Variants in CDH23 observed in about 807,000 individuals in gnomAD.
CDH23 encodes the protein cadherin-23.
A neutral mutation model predicts 317.1 loss-of-function variants in CDH23; 189 were observed. The ratio of observed to expected loss-of-function variants is 0.60; its 90% CI spans 0.53 to 0.67. The LOEUF (loss-of-function observed/expected upper bound fraction) is 0.67. Ranked by LOEUF, CDH23 falls within the 30% of genes least tolerant of loss-of-function variation. The pLI is 0.00. For missense variants in CDH23, 4,401 were observed against 4,592.4 expected (o/e 0.96, Z 1.20); for synonymous variants, 1,839 against 1,876.8 (o/e 0.98, Z 0.52).
At chr10:71,429,644 C>T (rs781540941) in intron 1 of CDH23, among the ~76,000 whole-genome samples, 38 of 152,164 alleles carry the variant, frequency 2.5e-4, no homozygotes, top group Middle Eastern at 3.4e-3. Flanking sequence ...TTAGCGGGTG[C>T]GTGGAAGATG....
At chr10:71,736,397 C>T in intron 34 of CDH23, among the ~76,000 whole-genome samples, 1 of 152,244 alleles carries the variant, frequency 6.6e-6, no homozygotes, top group East Asian at 1.9e-4. Flanking sequence ...CTCCACCTGG[C>T]TCCTCCCTGT....
intron 9 of CDH23, among the ~76,000 whole-genome samples, chr10:71,595,571 C>CCTT (rs1859784470): frequency 6.6e-6 from 1 of 152,186 alleles, no homozygotes; most frequent in Admixed American, 6.5e-5. Flanking sequence ...GACATTCTTT[C>CCTT]CTTCCCCCCA....
At chr10:71,758,343 A>G (rs1840203514) in intron 38 of CDH23, among the ~76,000 whole-genome samples, 1 of 152,176 alleles carries the variant, frequency 6.6e-6, no homozygotes, top group Non-Finnish European at 1.5e-5. Flanking sequence ...AGGGCCTAGC[A>G]GGGGCTGGTC....
chr10:71,644,106 C>T (rs1357096315), intron 12 of CDH23, among the ~76,000 whole-genome samples: 1 of 152,266 alleles, frequency 6.6e-6, no homozygotes, highest in Non-Finnish European at 1.5e-5. Context: ...TGGTCCCTTC[C>T]ATGTGACGGG....
chr10:71,416,417 A>G (rs1447710839), intron 1 of CDH23, among the ~76,000 whole-genome samples: 1 of 152,148 alleles, frequency 6.6e-6, no homozygotes, highest in Non-Finnish European at 1.5e-5. Context: ...CACTTACTCC[A>G]TTTCTACCTT....
At chr10:71,628,010 C>T (rs1169412786) in intron 11 of CDH23, among the ~76,000 whole-genome samples, 2 of 152,204 alleles carry the variant, frequency 1.3e-5, no homozygotes, top group Non-Finnish European at 2.9e-5. Flanking sequence ...ACCTCCCATA[C>T]TCCCCCTGCC....
chr10:71,516,823 G>A (rs1564627241), intron 6 of CDH23, among the ~76,000 whole-genome samples: 2 of 152,236 alleles, frequency 1.3e-5, no homozygotes, highest in Non-Finnish European at 2.9e-5. Flanking sequence ...TACCTGCAAA[G>A]TAGAAATAAT....
chr10:71,724,828 G>GT (rs1866736405), intron 29 of CDH23, among the ~76,000 whole-genome samples: 1 of 152,230 alleles, frequency 6.6e-6, no homozygotes, highest in Non-Finnish European at 1.5e-5. Context: ...CAGGGGTAAA[G>GT]TCACTGCCCA....
Position 71,702,584 on chromosome 10 carries a change from A to C in CDH23, c.2623A>C (p.Thr875Pro). 1 of 1,613,962 alleles carries C rather than the reference A, an allele frequency of 6.2e-7. No individual in the cohort carries two copies. The highest frequency in any genetic ancestry group is 1.3e-5 in the African/African-American group (1 of 75,034). ...RPPLKATSSA[T>P]VFVNLLDLND... ...CCCTCTGAAAGCCACCAGCAGTGCCACAGTGTTTGTGAACCTCTTGGATCT... is the reference window on the plus strand; with the variant it reads ...CCCTCTGAAAGCCACCAGCAGTGCCCCAGTGTTTGTGAACCTCTTGGATCT... The change falls in exon 24 of 70, where the codon ACA becomes CCA. Residue 875 changes from threonine (T) to proline (P), a missense_variant. Physicochemically the swap from Thr to Pro is conservative, Grantham distance 38. Around this residue, in one of 3 missense-constraint regions of CDH23, gnomAD observed 3,068 missense variants for 3,203.3 expected, o/e 0.96. Transcript: ENST00000224721.
At chr10:71,545,767 C>T (rs759250943) in intron 6 of CDH23, among the ~76,000 whole-genome samples, 1 of 152,102 alleles carries the variant, frequency 6.6e-6, no homozygotes, top group Non-Finnish European at 1.5e-5. Flanking sequence ...AAGTGGCTAG[C>T]GCAGGCTTTG....
chr10:71,759,904 TAC>T (rs368682291), intron 38 of CDH23, among the ~76,000 whole-genome samples: 4 of 54,766 alleles, frequency 7.3e-5, no homozygotes, highest in African/African-American at 2.1e-4. Flanking sequence ...CACACATATA[TAC>T]ACACACACAT....
Position 71,505,223 on chromosome 10 carries a change from AG to A in CDH23, c.146-4858del, listed in dbSNP as rs199660668. Among the ~76,000 whole-genome samples the A allele has an allele frequency of 5.3e-3, 800 of 152,336 alleles. 33 individuals carry two copies. The East Asian group carries it at 0.11, about 22-fold the overall frequency. On this transcript the variant is annotated intron_variant, in intron 3 of 69. Transcript: ENST00000224721. ...TTATTGTCAACCAAGTTGCCAGTGT[AG>A]AACACGGACCTCTGAGTTATGCTCT...
At chr10:71,773,742 A>C (rs563004494) in intron 38 of CDH23, among the ~76,000 whole-genome samples, 1 of 152,160 alleles carries the variant, frequency 6.6e-6, no homozygotes, top group Non-Finnish European at 1.5e-5. Flanking sequence ...ACCGTCCCCC[A>C]GTCCTTTTGG....
intron 14 of CDH23, among the ~76,000 whole-genome samples, chr10:71,667,641 G>C (rs1863971214): frequency 6.6e-6 from 1 of 152,028 alleles, no homozygotes; most frequent in African/African-American, 2.4e-5. Flanking sequence ...GACACACAAG[G>C]CAGGCAACCT....
chr10:71,580,468 G>T (rs1160278769), intron 9 of CDH23, among the ~76,000 whole-genome samples: 1 of 152,220 alleles, frequency 6.6e-6, no homozygotes, highest in Non-Finnish European at 1.5e-5. Context: ...GCACAGATGT[G>T]TCTTAAGGGC....
In CDH23 at chr10:71,705,030, C is replaced by T. The variant is rs1054605431; in HGVS notation, c.2853C>T (p.Thr951=). ...GCAGCGGCGTGGTGGTCACCACCAC[C>T]GAGCTGGACCGCGAGCGCATCGCGG... ...NSSSGVVVTT[T]ELDRERIAEY... The change falls in exon 25 of 70, where the codon ACC becomes ACT. Residue 951 remains threonine (T), a synonymous_variant. Transcript: ENST00000224721. The T allele has an allele frequency of 1.1e-5, 18 of 1,612,600 alleles. No homozygotes were observed. The highest frequency in any genetic ancestry group is 4.4e-5 in the South Asian group (4 of 91,086).
chr10:71,597,845 G>A (rs983435182), intron 9 of CDH23, among the ~76,000 whole-genome samples: 10 of 152,172 alleles, frequency 6.6e-5, no homozygotes, highest in African/African-American at 1.9e-4. Flanking sequence ...CAAAACTGTC[G>A]CCCTCAGAGC....
At chr10:71,410,847 T>C (rs1051674325) in intron 1 of CDH23, among the ~76,000 whole-genome samples, 1 of 152,252 alleles carries the variant, frequency 6.6e-6, no homozygotes, top group African/African-American at 2.4e-5. Flanking sequence ...TATTCCATGT[T>C]GTGAATATAC....
At chr10:71,601,932 G>C (rs1349176984) in intron 9 of CDH23, among the ~76,000 whole-genome samples, 1 of 150,548 alleles carries the variant, frequency 6.6e-6, no homozygotes, top group African/African-American at 2.4e-5. Flanking sequence ...TCAGGCATTG[G>C]AGCAGGGCCT....
Sources: allele counts gnomAD v4.1 joint callset (sites outside exome capture counted in the v4.1 genomes callset), GRCh38; gene constraint gnomAD v4.1.1; regional missense constraint gnomAD v4.1.1; transcripts MANE v1.5; gene names NCBI Gene and HGNC (gene_info 2026-07-23, HGNC 2026-07-21).